Variants in RNF144A observed in about 807,000 individuals in gnomAD.
RNF144A encodes E3 ubiquitin-protein ligase RNF144A.
A neutral mutation model predicts 38.7 loss-of-function variants in RNF144A; 11 were observed. That is an observed-to-expected ratio of 0.28 (90% CI 0.18 to 0.47). RNF144A has a LOEUF of 0.47. Among genes scored for constraint, RNF144A ranks in the 20% least tolerant of loss-of-function variants. The pLI, the probability that RNF144A is intolerant of heterozygous loss-of-function variation, is 0.99. For synonymous variants in RNF144A, 149 were observed against 143.9 expected (o/e 1.04, Z -0.25); for missense variants, 316 against 377.2 (o/e 0.84, Z 1.34).
chr2:6,935,977 A>G (rs1167631746), intron 1 of RNF144A, among the ~76,000 whole-genome samples: 3 of 151,964 alleles, frequency 2.0e-5, no homozygotes, highest in Non-Finnish European at 4.4e-5. Context: ...CTCCCATCAG[A>G]TGCTTTGGGA....
At chr2:7,062,390 A>G (rs555517760) in intron 6 of RNF144A, among the ~76,000 whole-genome samples, 2 of 151,780 alleles carry the variant, frequency 1.3e-5, no homozygotes, top group South Asian at 4.2e-4. Flanking sequence ...AATGAAGTAC[A>G]TTCTTCCTCT....
chr2:7,032,881 A>G (rs1465221125), intron 8 of RNF144A, among the ~76,000 whole-genome samples: 1 of 152,222 alleles, frequency 6.6e-6, no homozygotes, highest in African/African-American at 2.4e-5. Context: ...CGCAGCATAG[A>G]AACTGCCAGG....
intron 2 of RNF144A, among the ~76,000 whole-genome samples, chr2:6,949,035 A>G (rs1348520291): frequency 6.6e-5 from 10 of 152,210 alleles, no homozygotes; most frequent in Non-Finnish European, 1.2e-4. Context: ...AGCGTAGGCC[A>G]TGCGAGGTGA....
rs561359604 is a variant in RNF144A at position 7,026,332 on chromosome 2, A to C, written c.657+1816A>C. 1.3e-3 allele frequency among the ~76,000 whole-genome samples: 192 copies of C among 152,314 alleles called. 1 individual carries two copies. Among genetic ancestry groups the C allele is most frequent in the African/African-American group, 4.5e-3 (186 of 41,578 alleles). On this transcript the variant is annotated intron_variant, in intron 7 of 8. Coordinates refer to ENST00000320892, the MANE Select transcript of RNF144A (RefSeq NM_014746.6). ...TAAAATGTCACCATCTTCTATCCTG[A>C]GGCTTCATTTTTACTTCCTAGGCAA... is the stretch of plus-strand genomic sequence containing the variant.
At chr2:6,978,518 T>C (rs1668443275) in intron 2 of RNF144A, 1 of 152,260 alleles carries the variant, frequency 6.6e-6, no homozygotes, top group South Asian at 2.1e-4. Flanking sequence ...CAGACTTGTG[T>C]TATTGTGGGT....
In RNF144A at chr2:6,978,453, G is replaced by C. The variant is rs115873426; in HGVS notation, c.-11-18463G>C. 6.9e-3 allele frequency among the ~76,000 whole-genome samples: 1,056 copies of C among 152,246 alleles called. 14 individuals carry two copies. Among genetic ancestry groups the C allele is most frequent in the African/African-American group, 0.024 (1,012 of 41,536 alleles). ...CCAAGCTCAGGGACACCTTATAAAG[G>C]TTCCAGGGGTAAAAACCCAAGTTCG... On this transcript the variant is annotated intron_variant, in intron 2 of 8. Coordinates refer to ENST00000320892, the MANE Select transcript of RNF144A (RefSeq NM_014746.6).
chr2:7,038,950 G>A (rs1280608131), intron 8 of RNF144A, among the ~76,000 whole-genome samples: 1 of 151,772 alleles, frequency 6.6e-6, no homozygotes, highest in Non-Finnish European at 1.5e-5. Context: ...GGATAGATGC[G>A]TGGGTGATGG....
chr2:7,050,500 A>C (rs1289121727), intron 6 of RNF144A, among the ~76,000 whole-genome samples: 1 of 152,076 alleles, frequency 6.6e-6, no homozygotes, highest in Non-Finnish European at 1.5e-5. Context: ...GGTCCTCTTC[A>C]GTCTCTCGTG....
chr2:6,966,509 G>A (rs1667676160), intron 2 of RNF144A, among the ~76,000 whole-genome samples: 1 of 152,220 alleles, frequency 6.6e-6, no homozygotes, highest in Admixed American at 6.5e-5. Flanking sequence ...GTGCTCTGAG[G>A]TTGGTTTGGG....
intron 1 of RNF144A, among the ~76,000 whole-genome samples, chr2:6,939,315 T>C (rs1002714844): frequency 1.2e-4 from 18 of 152,228 alleles, no homozygotes; most frequent in African/African-American, 4.3e-4. Context: ...AGTTTCGATT[T>C]GCATTTCCCT....
chr2:7,075,173 T>G, the RNF144A span, among the ~76,000 whole-genome samples: 1 of 152,036 alleles, frequency 6.6e-6, no homozygotes, highest in East Asian at 1.9e-4. Context: ...TGGGAAGACA[T>G]CTTTCCTCTT....
chr2:6,996,864 G>A, intron 2 of RNF144A, 52 bp from the exon 3 acceptor site: 1 of 1,587,394 alleles, frequency 6.3e-7, no homozygotes, highest in Non-Finnish European at 8.6e-7. Context: ...CCACGGAGCA[G>A]GTGGATGCCA....
chr2:6,950,523 G>A (rs1235158413), intron 2 of RNF144A, among the ~76,000 whole-genome samples: 1 of 152,158 alleles, frequency 6.6e-6, no homozygotes, highest in Admixed American at 6.5e-5. Context: ...TGGTCCATAA[G>A]TGCAATTTTT....
intron 2 of RNF144A, among the ~76,000 whole-genome samples, chr2:6,993,748 C>T (rs946390169): frequency 6.6e-6 from 1 of 152,156 alleles, no homozygotes; most frequent in Non-Finnish European, 1.5e-5. Context: ...TTGGATTGAA[C>T]TTCCGAAATG....
intron 2 of RNF144A, among the ~76,000 whole-genome samples, chr2:6,942,706 G>A (rs1276387945): frequency 6.6e-5 from 10 of 152,194 alleles, no homozygotes; most frequent in South Asian, 4.1e-4. Context: ...TTCAGAGGCC[G>A]GGTGCGGTGG....
intron 6 of RNF144A, among the ~76,000 whole-genome samples, chr2:7,022,671 T>C (rs1671612104): frequency 6.6e-6 from 1 of 152,240 alleles, no homozygotes; most frequent in African/African-American, 2.4e-5. Flanking sequence ...CAATGTTATC[T>C]AACCTAAAAC....
rs1673025133 is a variant in RNF144A, at chr2:7,041,265, C to T, written c.*1505C>T. 2 of 985,608 alleles carry T rather than the reference C, an allele frequency of 2.0e-6. No homozygotes were observed. Among genetic ancestry groups the T allele is most frequent in the African/African-American group, 3.5e-5 (2 of 57,238 alleles). 61.1% of individuals were successfully genotyped at this position (985,608 alleles called of 1,614,324 possible). A position where few individuals can be genotyped will look rare whatever the true frequency, so the allele number is the denominator to read the frequency against. On this transcript the variant is annotated 3_prime_UTR_variant, in exon 9 of 9. Coordinates refer to ENST00000320892, the MANE Select transcript of RNF144A (RefSeq NM_014746.6). ...AAAATGTTGCTTTGTGTGTGTTTGA[C>T]TTCTGCATTTGAGTATCAGTCTCAG...
chr2:7,066,904 G>T (rs1674255209), intron 6 of RNF144A, among the ~76,000 whole-genome samples: 1 of 152,146 alleles, frequency 6.6e-6, no homozygotes, highest in African/African-American at 2.4e-5. Context: ...AGTTTTAAAA[G>T]GCTTTTAACT....
At chr2:6,929,926 G>A (rs886087718) in intron 1 of RNF144A, among the ~76,000 whole-genome samples, 1 of 152,186 alleles carries the variant, frequency 6.6e-6, no homozygotes, top group African/African-American at 2.4e-5. Flanking sequence ...TCCTGCTGCA[G>A]GAAGGAAATA....
Sources: allele counts gnomAD v4.1 joint callset (sites outside exome capture counted in the v4.1 genomes callset), GRCh38; gene constraint gnomAD v4.1.1; transcripts MANE v1.5; gene names NCBI Gene and HGNC (gene_info 2026-07-23, HGNC 2026-07-21).